The following SLC25A13 variants were observed in gnomAD, a reference collection of about 807,000 sequenced individuals.
The protein encoded by SLC25A13 is electrogenic aspartate/glutamate antiporter SLC25A13, mitochondrial.
SLC25A13 carries 70 observed loss-of-function variants against 85.5 expected under a neutral mutation model. The ratio of observed to expected loss-of-function variants is 0.82; its 90% CI spans 0.68 to 1.00. SLC25A13 has a LOEUF of 1.00. Among genes scored for constraint, SLC25A13 ranks in the 50% least tolerant of loss-of-function variants. The pLI, the probability that SLC25A13 is intolerant of heterozygous loss-of-function variation, is 0.00. For missense variants in SLC25A13, 765 were observed against 819.8 expected, an observed-to-expected ratio of 0.93 and a Z score of 0.82; for synonymous variants, 259 against 288.7, an observed-to-expected ratio of 0.90 and a Z score of 1.04.
At chr7:96,184,861 T>A in intron 10 of SLC25A13, 66 bp downstream of exon 10, 1 of 1,313,946 alleles carries the variant, frequency 7.6e-7, no homozygotes, top group Non-Finnish European at 1.1e-6. Context: ...CATTTCAAGA[T>A]GGAAAATCAG....
intron 11 of SLC25A13, among the ~76,000 whole-genome samples, chr7:96,181,062 T>TAAC (rs374391427): frequency 0.01 from 1,566 of 152,080 alleles, 25 homozygotes; most frequent in African/African-American, 0.035. Flanking sequence ...TTTTCAGAAA[T>TAAC]AACAACAACA....
At chr7:96,253,926 T>C (rs1250758213) in intron 3 of SLC25A13, among the ~76,000 whole-genome samples, 2 of 152,138 alleles carry the variant, frequency 1.3e-5, no homozygotes, top group African/African-American at 4.8e-5. Flanking sequence ...TATGCAGCCA[T>C]AAAAAGGAAT....
At position 96,189,666 on chromosome 7, in the gene SLC25A13, C is replaced by A. The variant is rs1562828859; in HGVS notation, c.763G>T (p.Val255Phe). The part of the protein sequence containing the change: ...KDVEVTKEEF[V>F]LAAQKFGQVT... ...TGACCAAATTTCTGAGCTGCCAGAA[C>A]AAACTCCTCTGTATGGAAGAAAAGT... The change falls in exon 8 of 18, where the codon GTT becomes TTT. Residue 255 changes from valine (V) to phenylalanine (F), a missense_variant. Transcript: ENST00000265631. 4.3e-6 allele frequency: 7 copies of A among 1,612,702 alleles called. No individual in the cohort carries two copies. The highest frequency in any genetic ancestry group is 5.9e-6 in the Non-Finnish European group (7 of 1,179,620).
At chr7:96,163,814 A>C (rs1376609076) in intron 13 of SLC25A13, among the ~76,000 whole-genome samples, 1 of 152,212 alleles carries the variant, frequency 6.6e-6, no homozygotes, top group Non-Finnish European at 1.5e-5. Flanking sequence ...CTCAACAGCC[A>C]TATCCAAACT....
intron 3 of SLC25A13, among the ~76,000 whole-genome samples, chr7:96,259,986 T>C (rs991777240): frequency 2.3e-4 from 31 of 137,342 alleles, no homozygotes; most frequent in South Asian, 2.2e-3. Flanking sequence ...TTCGCACTCA[T>C]AAGTGGTAGT....
intron 3 of SLC25A13, among the ~76,000 whole-genome samples, chr7:96,239,446 G>C (rs372077603): frequency 2.0e-5 from 3 of 151,742 alleles, no homozygotes; most frequent in South Asian, 4.2e-4. Flanking sequence ...GAGCATTAAC[G>C]TAAGTTACAA....
chr7:96,261,752 G>A lies in SLC25A13; in HGVS notation c.212+15444C>T, dbSNP rs546237695. Among the ~76,000 whole-genome samples the A allele has an allele frequency of 4.6e-5, 7 of 152,300 alleles. No homozygotes were observed. The East Asian group carries it at 1.3e-3, about 29-fold the overall frequency. ...TTCTAGAACAGAATTACCTGAGACT[G>A]AGTAATTCATTTTAAAAATTTACTT... is the stretch of plus-strand genomic sequence containing the variant. On this transcript the variant is annotated intron_variant, in intron 3 of 17. Coordinates refer to ENST00000265631, the MANE Select transcript of SLC25A13 (RefSeq NM_014251.3).
rs151256859 is a variant in SLC25A13 at position 96,170,046 on chromosome 7, C to T, written c.1310G>A (p.Cys437Tyr). 2 of 1,613,992 alleles carry T rather than the reference C, an allele frequency of 1.2e-6. No individual in the cohort carries two copies. The highest frequency in any genetic ancestry group is 1.7e-6 in the Non-Finnish European group (2 of 1,179,948). Residue 437 changes from cysteine to tyrosine, a missense_variant and splice_region_variant, in exon 13 of 18, where the codon TGC (cysteine) becomes TAC (tyrosine). Physicochemically the swap from Cys to Tyr is radical, Grantham distance 194 (BLOSUM62 -2). Coordinates refer to ENST00000265631, the MANE Select transcript of SLC25A13 (RefSeq NM_014251.3). The stretch of plus-strand genomic sequence containing the variant: ...AAGAGAGCTTCAAAAGGTACTTACG[C>T]AGCCTCCAGCAAGAATTTCTGCTGC... ...PLAAEILAGG[C>Y]AGGSQVIFTN...
chr7:96,186,321 T>C (rs1013094773), intron 9 of SLC25A13, among the ~76,000 whole-genome samples: 4 of 151,932 alleles, frequency 2.6e-5, no homozygotes, highest in Non-Finnish European at 5.9e-5. Context: ...CTCAGCTACT[T>C]GGGAGGCTGA....
chr7:96,304,503 G>A (rs1035147624), intron 1 of SLC25A13, among the ~76,000 whole-genome samples: 44 of 152,142 alleles, frequency 2.9e-4, no homozygotes, highest in African/African-American at 1.0e-3. Context: ...ATGAATGGTG[G>A]TGTTTTAGCT....
chr7:96,281,481 C>T (rs1798676667), intron 2 of SLC25A13, among the ~76,000 whole-genome samples: 1 of 151,002 alleles, frequency 6.6e-6, no homozygotes, highest in African/African-American at 2.4e-5. Flanking sequence ...CATAAGAAAA[C>T]CTAGCGTATA....
intron 3 of SLC25A13, among the ~76,000 whole-genome samples, chr7:96,253,362 A>C (rs1797508095): frequency 6.6e-6 from 1 of 152,176 alleles, no homozygotes; most frequent in African/African-American, 2.4e-5. Context: ...TAAATTGAGA[A>C]GGGAAAGCTA....
chr7:96,165,106 T>C (rs761174660), intron 13 of SLC25A13, among the ~76,000 whole-genome samples: 1 of 152,202 alleles, frequency 6.6e-6, no homozygotes, highest in Non-Finnish European at 1.5e-5. Flanking sequence ...GTCCTCAGGA[T>C]ACATCAATGA....
At chr7:96,236,903 C>G (rs1796765071) in intron 3 of SLC25A13, among the ~76,000 whole-genome samples, 1 of 152,200 alleles carries the variant, frequency 6.6e-6, no homozygotes, top group African/African-American at 2.4e-5. Flanking sequence ...ACATAGCTGA[C>G]TGGAGTCTGG....
intron 5 of SLC25A13, among the ~76,000 whole-genome samples, chr7:96,207,109 G>T (rs1371112188): frequency 2.0e-5 from 3 of 152,116 alleles, no homozygotes; most frequent in Admixed American, 2.0e-4. Flanking sequence ...TACGTAAGTA[G>T]GTTTATGTTT....
At position 96,209,107 on chromosome 7, in the gene SLC25A13, A is replaced by G. The variant is rs578097303; in HGVS notation, c.329-130T>C. 1.0e-3 allele frequency: 930 copies of G among 890,786 alleles called. 1 individual carries two copies. The highest frequency in any genetic ancestry group is 1.4e-3 in the Non-Finnish European group (820 of 585,432). The allele number at this position is 890,786 out of a possible 1,614,324, so 55.2% of individuals were successfully genotyped here. A position where few individuals can be genotyped will look rare whatever the true frequency, so the allele number is the denominator to read the frequency against. Reference sequence around the variant, plus strand: ...TCAATTTTAAATAGACATACAGATTACAAACTATGGCAGAAATAAAAGAAC... The same window carrying G: ...TCAATTTTAAATAGACATACAGATTGCAAACTATGGCAGAAATAAAAGAAC... On this transcript the variant is annotated intron_variant, in intron 4 of 17. Coordinates refer to ENST00000265631, the MANE Select transcript of SLC25A13 (RefSeq NM_014251.3).
intron 2 of SLC25A13, chr7:96,283,485 G>C: frequency 4.7e-6 from 2 of 428,894 alleles, no homozygotes; most frequent in East Asian, 6.2e-5. Flanking sequence ...TAGACATTAA[G>C]GGAATGAGTA....
At chr7:96,211,035 A>T (rs974804444) in intron 4 of SLC25A13, among the ~76,000 whole-genome samples, 1 of 152,200 alleles carries the variant, frequency 6.6e-6, no homozygotes, top group Non-Finnish European at 1.5e-5. Flanking sequence ...GCTGGTATGT[A>T]AAGCTAAGGC....
intron 11 of SLC25A13, among the ~76,000 whole-genome samples, chr7:96,182,136 AG>A (rs1282224538): frequency 1.3e-5 from 2 of 152,236 alleles, no homozygotes; most frequent in Non-Finnish European, 2.9e-5. Flanking sequence ...ATGATGTACA[AG>A]AAACTAAAGA....
Sources: allele counts gnomAD v4.1 joint callset (sites outside exome capture counted in the v4.1 genomes callset), GRCh38; gene constraint gnomAD v4.1.1; transcripts MANE v1.5; gene names NCBI Gene and HGNC (gene_info 2026-07-23, HGNC 2026-07-21).